Variants in MAP2K3 observed in about 807,000 individuals in gnomAD.
MAP2K3 encodes mitogen-activated protein kinase kinase 3.
MAP2K3 carries 30 observed loss-of-function variants against 46.4 expected under a neutral mutation model. The ratio of observed to expected loss-of-function variants is 0.65; its 90% CI spans 0.48 to 0.88. MAP2K3 has a LOEUF of 0.88. Among genes scored for constraint, MAP2K3 ranks in the 40% least tolerant of loss-of-function variants. The pLI, the probability that MAP2K3 is intolerant of heterozygous loss-of-function variation, is 0.00. For synonymous variants in MAP2K3, 189 were observed against 176.3 expected (o/e 1.07, Z -0.57); for missense variants, 380 against 464.5 (o/e 0.82, Z 1.67).
At chr17:21,295,083 G>A (rs1240736643) in intron 1 of MAP2K3, among the ~76,000 whole-genome samples, 1 of 152,310 alleles carries the variant, frequency 6.6e-6, no homozygotes, top group Non-Finnish European at 1.5e-5. Context: ...TGAAAGGCAA[G>A]ACGACGTAGT....
chr17:21,295,496 G>A (rs1234586270), intron 1 of MAP2K3: 36 of 888,552 alleles, frequency 4.1e-5, no homozygotes, highest in Non-Finnish European at 4.7e-5. Context: ...TTGCCACAAC[G>A]GCTGCACCTG....
intron 3 of MAP2K3, among the ~76,000 whole-genome samples, chr17:21,300,212 T>A (rs1209024219): frequency 6.6e-6 from 1 of 152,312 alleles, no homozygotes; most frequent in African/African-American, 2.4e-5. Context: ...TCTGAATGAG[T>A]GACTCATTCT....
intron 1 of MAP2K3, among the ~76,000 whole-genome samples, chr17:21,295,413 T>G (rs1976182177): frequency 3.3e-5 from 5 of 152,430 alleles, no homozygotes; most frequent in African/African-American, 9.6e-5. Flanking sequence ...CACCCCGTGC[T>G]GAGAGCCGGG....
chr17:21,298,824 C>T (rs536483858), intron 2 of MAP2K3, 54 bp from the exon 3 acceptor site: 212 of 1,613,470 alleles, frequency 1.3e-4, no homozygotes, highest in Admixed American at 2.0e-4. Flanking sequence ...TACTGCTGCA[C>T]TTGGGGAAGG....
intron 1 of MAP2K3, 70 bp downstream of exon 1, chr17:21,285,039 C>CTT (rs1958503502): frequency 6.5e-7 from 1 of 1,549,434 alleles, no homozygotes; most frequent in Admixed American, 1.9e-5. Context: ...AAACCCCGAC[C>CTT]TTTCTTTGGT....
chr17:21,297,534 G>T (rs996831461), intron 1 of MAP2K3, among the ~76,000 whole-genome samples: 6 of 152,306 alleles, frequency 3.9e-5, no homozygotes, highest in African/African-American at 1.4e-4. Context: ...TGGCATCTCT[G>T]ATCCTTGCTT....
At chr17:21,299,279 C>T (rs1331847881) in intron 3 of MAP2K3, among the ~76,000 whole-genome samples, 1 of 152,312 alleles carries the variant, frequency 6.6e-6, no homozygotes, top group Non-Finnish European at 1.5e-5. Flanking sequence ...CTCCCTCAGG[C>T]CAGCACCTGG....
intron 1 of MAP2K3, 105 bp from the exon 2 acceptor site, chr17:21,298,308 G>A: frequency 6.6e-7 from 1 of 1,511,644 alleles, no homozygotes. Flanking sequence ...ATGGGTGATG[G>A]CAGAGGCTGG....
chr17:21,298,769 G>C, intron 2 of MAP2K3, 109 bp from the exon 3 acceptor site: 2 of 1,531,384 alleles, frequency 1.3e-6, no homozygotes, highest in East Asian at 2.3e-5. Flanking sequence ...CGCCTCCGGG[G>C]CAGGAGGCAC....
intron 2 of MAP2K3, 119 bp downstream of exon 2, chr17:21,298,598 G>T: frequency 2.0e-6 from 3 of 1,511,014 alleles, no homozygotes; most frequent in Non-Finnish European, 1.8e-6. Flanking sequence ...GTCCTGGGCA[G>T]CCCCTGCTGT....
chr17:21,293,410 G>T (rs1976056197), intron 1 of MAP2K3, among the ~76,000 whole-genome samples: 1 of 152,312 alleles, frequency 6.6e-6, no homozygotes, highest in South Asian at 2.1e-4. Flanking sequence ...GGCCATGGTT[G>T]TCTCTGCTGG....
chr17:21,295,662 G>T, intron 1 of MAP2K3: 1 of 1,289,460 alleles, frequency 7.8e-7, no homozygotes, highest in South Asian at 1.2e-5. Flanking sequence ...TGCAGGCTTG[G>T]TGTCCCCAAC....
chr17:21,311,632 G>C (rs1597505660), intron 9 of MAP2K3: 2 of 154,444 alleles, frequency 1.3e-5, no homozygotes, highest in South Asian at 3.9e-4. Flanking sequence ...GTGTGTGTGT[G>C]TGTGTGTGTG....
chr17:21,298,189 C>T (rs1976369396), intron 1 of MAP2K3, among the ~76,000 whole-genome samples: 1 of 152,308 alleles, frequency 6.6e-6, no homozygotes. Flanking sequence ...GCCCTGGAGT[C>T]CAGCCTCCAG....
intron 9 of MAP2K3, among the ~76,000 whole-genome samples, chr17:21,305,987 T>C (rs1976873796): frequency 1.3e-5 from 2 of 152,292 alleles, no homozygotes; most frequent in African/African-American, 4.8e-5. Context: ...CTGTTTGGTG[T>C]TGGGGATGAG....
chr17:21,307,190 A>G (rs1976930858), intron 9 of MAP2K3, among the ~76,000 whole-genome samples: 1 of 152,308 alleles, frequency 6.6e-6, no homozygotes, highest in African/African-American at 2.4e-5. Flanking sequence ...TTTTCTGGGG[A>G]GCAGCCCCAT....
Position 21,303,187 on chromosome 17 carries a change from T to C in MAP2K3, c.521T>C (p.Val174Ala), listed in dbSNP as rs1183708815. The C allele has an allele frequency of 1.2e-6, 2 of 1,614,250 alleles. No homozygotes were observed. The highest frequency in any genetic ancestry group is 1.1e-5 in the South Asian group (1 of 91,088). The change falls in exon 7 of 12, where the codon GTG becomes GCG. Residue 174 changes from valine (V) to alanine (A), a missense_variant. Transcript: ENST00000342679. ...DILGEIAVSI[V>A]RALEHLHSKL... ...TCCTCCCCACCCCACCGCCAGATCGTGCGGGCCCTGGAGCATCTGCACAGC... is the reference window on the plus strand; with the variant it reads ...TCCTCCCCACCCCACCGCCAGATCGCGCGGGCCCTGGAGCATCTGCACAGC...
intron 10 of MAP2K3, among the ~76,000 whole-genome samples, chr17:21,313,215 AG>A (rs5819746): frequency 5.9e-5 from 9 of 152,196 alleles, no homozygotes; most frequent in Non-Finnish European, 1.0e-4. Flanking sequence ...AGAGCATTGC[AG>A]CCCCATTTTG....
At chr17:21,293,163 G>C (rs1045984595) in intron 1 of MAP2K3, among the ~76,000 whole-genome samples, 7 of 152,306 alleles carry the variant, frequency 4.6e-5, no homozygotes, top group Non-Finnish European at 8.8e-5. Context: ...TGGGCATTTT[G>C]ATGGCCATGG....
Sources: allele counts gnomAD v4.1 joint callset (sites outside exome capture counted in the v4.1 genomes callset), GRCh38; gene constraint gnomAD v4.1.1; transcripts MANE v1.5; gene names NCBI Gene and HGNC (gene_info 2026-07-23, HGNC 2026-07-21).